The following CGGBP1 variants were observed in gnomAD, a reference collection of about 807,000 sequenced individuals.
CGGBP1 encodes the protein CGG triplet repeat-binding protein 1.
In CGGBP1, 4 loss-of-function variants were observed where a neutral mutation model predicts 11.4. That is an observed-to-expected ratio of 0.35 (90% CI 0.17 to 0.80). The LOEUF (loss-of-function observed/expected upper bound fraction) is 0.80. Among genes scored for constraint, CGGBP1 ranks in the 30% least tolerant of loss-of-function variants. The pLI, the probability that CGGBP1 is intolerant of heterozygous loss-of-function variation, is 0.52. For missense variants in CGGBP1, 135 were observed against 202.1 expected (o/e 0.67, Z 2.01); for synonymous variants, 76 against 74.1 (o/e 1.03, Z -0.13).
At position 88,054,935 on chromosome 3, in the gene CGGBP1, T is replaced by C. The variant is rs1177657694; in HGVS notation, c.*538A>G. 1 of 152,612 alleles carries C rather than the reference T, an allele frequency of 6.6e-6. No individual in the cohort carries two copies. The highest frequency in any genetic ancestry group is 2.4e-5 in the African/African-American group (1 of 41,452). 9.5% of individuals were successfully genotyped at this position (152,612 alleles called of 1,614,324 possible). ...AGATAGTTAAGGTGACTACATCATA[T>C]ACAAGTAAAACATAGTTTGAAATAA... On this transcript the variant is annotated 3_prime_UTR_variant, in exon 4 of 4. Transcript: ENST00000482016.
chr3:88,067,725 G>A (rs1283846421), intron 2 of CGGBP1, among the ~76,000 whole-genome samples: 1 of 152,206 alleles, frequency 6.6e-6, no homozygotes, highest in Non-Finnish European at 1.5e-5. Context: ...TCTAAACAGA[G>A]CTGTTTTGGT....
intron 2 of CGGBP1, among the ~76,000 whole-genome samples, chr3:88,106,826 G>A (rs1371182483): frequency 6.6e-5 from 10 of 151,846 alleles, no homozygotes; most frequent in African/African-American, 2.2e-4. Context: ...TCTGATATTT[G>A]TCCTGTATAA....
intron 2 of CGGBP1, among the ~76,000 whole-genome samples, chr3:88,109,495 C>T (rs1412695901): frequency 6.6e-6 from 1 of 151,984 alleles, no homozygotes; most frequent in Non-Finnish European, 1.5e-5. Context: ...TTTATTTGGA[C>T]AATTAAGTAT....
chr3:88,080,487 T>A lies in CGGBP1; in HGVS notation c.-228-22264A>T, dbSNP rs146258079. Among the ~76,000 whole-genome samples, 409 of 152,280 alleles carry A rather than the reference T, an allele frequency of 2.7e-3. 2 individuals carry two copies. The highest frequency in any genetic ancestry group is 8.9e-3 in the African/African-American group (371 of 41,566). On this transcript the variant is annotated intron_variant, in intron 2 of 3. Coordinates refer to the CGGBP1 transcript ENST00000462901. ...TTTAAATTTTCAATAGGCCTGTGAT[T>A]AAAGTGATATTAAATTCATTTTATA... is the stretch of plus-strand genomic sequence containing the variant.
At chr3:88,092,551 G>A (rs568395184) in intron 2 of CGGBP1, among the ~76,000 whole-genome samples, 25 of 152,070 alleles carry the variant, frequency 1.6e-4, no homozygotes, top group African/African-American at 5.3e-4. Context: ...GAGCCTCTTA[G>A]GGATGGCAAA....
intron 2 of CGGBP1, among the ~76,000 whole-genome samples, chr3:88,076,830 C>T (rs1707830249): frequency 6.6e-6 from 1 of 152,052 alleles, no homozygotes; most frequent in Non-Finnish European, 1.5e-5. Flanking sequence ...TTAAAATGAC[C>T]TGCTATTCAT....
chr3:88,149,467 G>A (rs953736618), intron 1 of CGGBP1, among the ~76,000 whole-genome samples: 4 of 152,274 alleles, frequency 2.6e-5, no homozygotes, highest in Non-Finnish European at 5.9e-5. Flanking sequence ...AAGGCGGCCA[G>A]GCACAGTGGA....
At chr3:88,056,168 G>A (rs371052597) in intron 3 of CGGBP1, 169 bp from the exon 4 acceptor site, 69 of 522,252 alleles carry the variant, frequency 1.3e-4, no homozygotes, top group African/African-American at 1.0e-3. Context: ...ATAAGGGAAG[G>A]CAAAACTAGA....
intron 2 of CGGBP1, among the ~76,000 whole-genome samples, chr3:88,123,548 C>T (rs1410289910): frequency 6.6e-6 from 1 of 152,072 alleles, no homozygotes; most frequent in Non-Finnish European, 1.5e-5. Flanking sequence ...TCAGGGCTTT[C>T]CCCTAGAAAT....
intron 2 of CGGBP1, chr3:88,129,898 G>T (rs750062837): frequency 2.4e-5 from 30 of 1,258,264 alleles, no homozygotes; most frequent in Non-Finnish European, 3.1e-5. Flanking sequence ...TTTGAACTTT[G>T]TTTTTTACAT....
At chr3:88,058,634 AGGCGG>A in intron 1 of CGGBP1, among the ~76,000 whole-genome samples, 176 bp downstream of exon 1, 1 of 152,302 alleles carries the variant, frequency 6.6e-6, no homozygotes, top group Non-Finnish European at 1.5e-5. Context: ...GTCTCAAGGG[AGGCGG>A]CGGCAGGCGC....
At chr3:88,145,864 A>C (rs1396579166) in intron 1 of CGGBP1, among the ~76,000 whole-genome samples, 1 of 152,228 alleles carries the variant, frequency 6.6e-6, no homozygotes, top group East Asian at 1.9e-4. Context: ...TAGACACCAA[A>C]GCTCAGAAAG....
chr3:88,102,058 C>T (rs938922842), intron 2 of CGGBP1, among the ~76,000 whole-genome samples: 5 of 151,914 alleles, frequency 3.3e-5, no homozygotes, highest in Non-Finnish European at 7.4e-5. Flanking sequence ...CACTCTTTAT[C>T]AGATATGTGA....
chr3:88,145,095 A>G (rs1707286350), intron 1 of CGGBP1, among the ~76,000 whole-genome samples: 2 of 152,076 alleles, frequency 1.3e-5, no homozygotes, highest in Non-Finnish European at 2.9e-5. Context: ...TCATTTTGAA[A>G]TATTACAATA....
intron 2 of CGGBP1, among the ~76,000 whole-genome samples, chr3:88,072,241 T>C (rs1332351785): frequency 2.0e-5 from 3 of 152,252 alleles, no homozygotes; most frequent in South Asian, 4.1e-4. Context: ...ATCCAAACTA[T>C]AGGTATCTTT....
At chr3:88,071,498 T>G (rs543643583) in intron 2 of CGGBP1, among the ~76,000 whole-genome samples, 1 of 152,272 alleles carries the variant, frequency 6.6e-6, no homozygotes, top group East Asian at 1.9e-4. Context: ...CAAAAAAATT[T>G]GGCTGGGCGC....
chr3:88,136,359 A>T (rs4507280), intron 2 of CGGBP1, among the ~76,000 whole-genome samples: 119,161 of 152,100 alleles, frequency 0.78, 47,604 homozygotes, highest in South Asian at 0.91. Context: ...ATGAAATAAG[A>T]ATTAAAAATA....
At chr3:88,079,025 T>C (rs1316521581) in intron 2 of CGGBP1, among the ~76,000 whole-genome samples, 1 of 152,072 alleles carries the variant, frequency 6.6e-6, no homozygotes, top group Admixed American at 6.5e-5. Flanking sequence ...AGGTTTGGGC[T>C]GAAACTAAGA....
intron 2 of CGGBP1, among the ~76,000 whole-genome samples, chr3:88,096,553 A>G (rs1704071602): frequency 6.6e-6 from 1 of 152,104 alleles, no homozygotes; most frequent in Admixed American, 6.6e-5. Context: ...TGATTATTGA[A>G]TTTTAGATTG....
Sources: gnomAD v4.1 joint callset for allele counts (sites outside exome capture counted in the v4.1 genomes callset) on GRCh38, gnomAD v4.1.1 for gene constraint, MANE v1.5 for transcripts, NCBI Gene and HGNC (gene_info 2026-07-23, HGNC 2026-07-21) for gene names.